Variants in SDK1 observed in about 807,000 individuals in gnomAD.
The protein encoded by SDK1 is sidekick cell adhesion molecule 1.
In SDK1, 157 loss-of-function variants were observed where a neutral mutation model predicts 245.5. The observed-to-expected ratio is 0.64, with a 90% CI of 0.56 to 0.73. The LOEUF (loss-of-function observed/expected upper bound fraction) is 0.73, where lower values mean the gene tolerates loss of function less well. SDK1 is among the 30% of genes least tolerant of loss of function. SDK1 has a pLI of 0.00. For missense variants in SDK1, 3,583 were observed against 3,002.3 expected (o/e 1.19, Z -4.52); for synonymous variants, 1,647 against 1,278.5 (o/e 1.29, Z -6.15).
chr7:4,200,998 G>A (rs1017632241), intron 35 of SDK1, among the ~76,000 whole-genome samples: 4 of 152,224 alleles, frequency 2.6e-5, no homozygotes, highest in Admixed American at 6.5e-5. Context: ...CTCAGCTCAT[G>A]TAGGGACCTG....
At chr7:4,040,263 C>G (rs1231371082) in intron 17 of SDK1, among the ~76,000 whole-genome samples, 1 of 152,126 alleles carries the variant, frequency 6.6e-6, no homozygotes, top group African/African-American at 2.4e-5. Context: ...TTAATCCAGT[C>G]CCTGCTCCTC....
intron 25 of SDK1, among the ~76,000 whole-genome samples, chr7:4,115,446 C>G (rs1420863392): frequency 6.6e-6 from 1 of 152,224 alleles, no homozygotes; most frequent in Non-Finnish European, 1.5e-5. Context: ...CCCAGGGAGC[C>G]TAGATCCATT....
chr7:3,501,500 G>A (rs1782213795), intron 1 of SDK1, among the ~76,000 whole-genome samples: 1 of 152,084 alleles, frequency 6.6e-6, no homozygotes, highest in African/African-American at 2.4e-5. Context: ...TGATTTTGAT[G>A]ACCCAGGAGC....
intron 4 of SDK1, among the ~76,000 whole-genome samples, chr7:3,788,069 G>A (rs559832166): frequency 6.6e-6 from 1 of 152,290 alleles, no homozygotes; most frequent in Admixed American, 6.5e-5. Context: ...GGAGTGGACA[G>A]TCTCAAAGCT....
chr7:4,091,632 G>A (rs959317636), intron 22 of SDK1, among the ~76,000 whole-genome samples: 2 of 152,054 alleles, frequency 1.3e-5, no homozygotes, highest in Non-Finnish European at 2.9e-5. Context: ...GTGAGCCACT[G>A]CACCCTGCCA....
intron 4 of SDK1, among the ~76,000 whole-genome samples, chr7:3,768,521 T>G (rs757408606): frequency 8.5e-5 from 13 of 152,254 alleles, no homozygotes; most frequent in Non-Finnish European, 1.8e-4. Context: ...TTCCTGAGAC[T>G]GTGTCTGATA....
chr7:3,891,557 G>A (rs769393915), intron 5 of SDK1, among the ~76,000 whole-genome samples: 4 of 152,020 alleles, frequency 2.6e-5, no homozygotes, highest in African/African-American at 9.7e-5. Flanking sequence ...CTTTGATTCC[G>A]GTCAACCCCG....
chr7:4,082,534 C>CAAAAA (rs1300321399), intron 22 of SDK1, among the ~76,000 whole-genome samples: 7 of 108,750 alleles, frequency 6.4e-5, no homozygotes, highest in East Asian at 7.4e-4. Flanking sequence ...GATTCTGTCT[C>CAAAAA]AAAAAAAAAA....
At chr7:3,494,648 C>G (rs931667165) in intron 1 of SDK1, among the ~76,000 whole-genome samples, 10 of 152,316 alleles carry the variant, frequency 6.6e-5, no homozygotes, top group African/African-American at 2.4e-4. Context: ...TTCCTCATCT[C>G]CCAACAATTA....
rs191884233 is a variant in SDK1 at position 3,818,879 on chromosome 7, C to A, written c.714-2571C>A. Among the ~76,000 whole-genome samples the A allele has an allele frequency of 3.0e-3, 455 of 152,298 alleles. 5 individuals carry two copies. Among genetic ancestry groups the A allele is most frequent in the Middle Eastern group, 0.01 (3 of 294 alleles). On this transcript the variant is annotated intron_variant, in intron 4 of 44. Coordinates refer to ENST00000404826, the MANE Select transcript of SDK1 (RefSeq NM_152744.4). Reference sequence around the variant, plus strand: ...TGGACAAAATGATCAAGACCCACACCTGATGCTGGGAATGGGGCCAGCTCT... The same window carrying A: ...TGGACAAAATGATCAAGACCCACACATGATGCTGGGAATGGGGCCAGCTCT...
chr7:3,638,934 C>A lies in SDK1; in HGVS notation c.459-70C>A, dbSNP rs372716352. 357 of 861,266 alleles carry A rather than the reference C, an allele frequency of 4.1e-4. 3 individuals are homozygous for A. In the South Asian group the frequency reaches 4.8e-3, roughly 12 times the overall value. The allele number at this position is 861,266 out of a possible 1,614,324, so 53.4% of individuals were successfully genotyped here. ...ATGCCAGTGCTGTTTGATAAAATAG[C>A]ATCTGATGGTTAGATATAACCATGA... is the stretch of plus-strand genomic sequence containing the variant. On this transcript the variant is annotated intron_variant, in intron 2 of 44. Coordinates refer to ENST00000404826, the MANE Select transcript of SDK1 (RefSeq NM_152744.4).
At chr7:3,797,490 C>T (rs1778991105) in intron 4 of SDK1, among the ~76,000 whole-genome samples, 1 of 145,324 alleles carries the variant, frequency 6.9e-6, no homozygotes, top group African/African-American at 2.6e-5. Context: ...CACACACACA[C>T]ACACAGTTTT....
At chr7:3,884,914 A>C (rs1405664502) in intron 5 of SDK1, among the ~76,000 whole-genome samples, 3 of 152,146 alleles carry the variant, frequency 2.0e-5, no homozygotes, top group African/African-American at 7.2e-5. Context: ...GGGGAGGTGG[A>C]AGCTTATCCC....
intron 1 of SDK1, among the ~76,000 whole-genome samples, chr7:3,341,052 A>G (rs939286718): frequency 3.7e-4 from 57 of 152,112 alleles, no homozygotes; most frequent in African/African-American, 1.3e-3. Flanking sequence ...CTGACAGCAA[A>G]ATCAGAGACA....
At position 3,951,765 on chromosome 7, in the gene SDK1, A is replaced by G. The variant is rs773612899; in HGVS notation, c.995A>G (p.Asn332Ser). 8 of 1,613,816 alleles carry G rather than the reference A, an allele frequency of 5.0e-6. No homozygotes were observed. Among genetic ancestry groups the G allele is most frequent in the African/African-American group, 1.3e-5 (1 of 75,046 alleles). The part of the protein sequence containing the change: ...VEDLSVTWKR[N>S]GVRITSGLHS... ...GACCTGAGTGTGACCTGGAAGAGGAATGGAGTGAGAATCACCAGTGGCCTC... is the reference window on the plus strand; with the variant it reads ...GACCTGAGTGTGACCTGGAAGAGGAGTGGAGTGAGAATCACCAGTGGCCTC... Residue 332 changes from asparagine to serine, a missense_variant, in exon 7 of 45, where the codon AAT (asparagine) becomes AGT (serine). By Grantham distance (46) the Asn-to-Ser change is conservative. Transcript: ENST00000404826.
intron 2 of SDK1, among the ~76,000 whole-genome samples, chr7:3,636,990 GTCTGTCTAGTA>G (rs1782474225): frequency 6.6e-6 from 1 of 151,948 alleles, no homozygotes; most frequent in Non-Finnish European, 1.5e-5. Flanking sequence ...TTGGAGAAAT[GTCTGTCTAGTA>G]TCTTTGCCTT....
chr7:3,623,126 A>G (rs1305775291), intron 2 of SDK1, among the ~76,000 whole-genome samples: 1 of 152,178 alleles, frequency 6.6e-6, no homozygotes, highest in Non-Finnish European at 1.5e-5. Flanking sequence ...CAGTTATGAA[A>G]ATGCTAACCC....
chr7:3,461,251 C>T (rs989669009), intron 1 of SDK1, among the ~76,000 whole-genome samples: 3 of 152,124 alleles, frequency 2.0e-5, no homozygotes, highest in Non-Finnish European at 4.4e-5. Context: ...TGATTCCTGT[C>T]CATTTTTGGA....
At chr7:3,905,285 A>G (rs1202735936) in intron 5 of SDK1, among the ~76,000 whole-genome samples, 3 of 152,142 alleles carry the variant, frequency 2.0e-5, no homozygotes, top group African/African-American at 4.8e-5. Context: ...TTCTATTATA[A>G]GTAATGCCGC....
Sources: allele counts gnomAD v4.1 joint callset (sites outside exome capture counted in the v4.1 genomes callset), GRCh38; gene constraint gnomAD v4.1.1; transcripts MANE v1.5; gene names NCBI Gene and HGNC (gene_info 2026-07-23, HGNC 2026-07-21).